Variants in THSD7B observed in about 807,000 individuals in gnomAD.
The protein encoded by THSD7B is thrombospondin type-1 domain-containing protein 7B.
In THSD7B, 138 loss-of-function variants were observed where a neutral mutation model predicts 213.6. That is an observed-to-expected ratio of 0.65 (90% CI 0.56 to 0.74). THSD7B has a LOEUF of 0.74. Among genes scored for constraint, THSD7B ranks in the 30% least tolerant of loss-of-function variants. The probability of loss-of-function intolerance (pLI) is 0.00; values close to 1 mark genes in which losing one functional copy is unlikely to be tolerated. For synonymous variants in THSD7B, 742 were observed against 687.0 expected (o/e 1.08, Z -1.25); for missense variants, 1,931 against 1,991.5 (o/e 0.97, Z 0.58).
chr2:137,639,011 A>ATT (rs55903155), intron 20 of THSD7B, among the ~76,000 whole-genome samples: 12,535 of 147,714 alleles, frequency 0.085, 613 homozygotes, highest in Non-Finnish European at 0.12. Context: ...AGAAAAAGCC[A>ATT]TTTTTTTTTT....
chr2:137,190,564 C>T (rs951514823), intron 7 of THSD7B, among the ~76,000 whole-genome samples: 3 of 152,072 alleles, frequency 2.0e-5, no homozygotes, highest in African/African-American at 7.2e-5. Flanking sequence ...GCAAAAGTAT[C>T]CTCGGGTGTT....
chr2:137,314,288 G>T (rs535306761), intron 12 of THSD7B, among the ~76,000 whole-genome samples: 1 of 152,134 alleles, frequency 6.6e-6, no homozygotes, highest in Admixed American at 6.5e-5. Flanking sequence ...CTGTCTTCCA[G>T]TTGATCACAT....
chr2:137,608,353 C>T (rs1682226192), intron 17 of THSD7B, among the ~76,000 whole-genome samples: 1 of 150,870 alleles, frequency 6.6e-6, no homozygotes, highest in South Asian at 2.1e-4. Flanking sequence ...CACAATACAG[C>T]TCTGTGGTGC....
chr2:137,209,633 C>T (rs1261838685), intron 7 of THSD7B, among the ~76,000 whole-genome samples: 2 of 152,078 alleles, frequency 1.3e-5, no homozygotes, highest in Non-Finnish European at 2.9e-5. Flanking sequence ...GTGATTAAAT[C>T]ATTCCAATGA....
intron 1 of THSD7B, among the ~76,000 whole-genome samples, chr2:136,881,924 C>A (rs72844049): frequency 0.082 from 12,473 of 152,190 alleles, 813 homozygotes; most frequent in Non-Finnish European, 0.13. Context: ...AGATTTCATT[C>A]ATGAATACAC....
chr2:137,398,573 C>G, intron 12 of THSD7B, among the ~76,000 whole-genome samples: 1 of 151,754 alleles, frequency 6.6e-6, no homozygotes. Flanking sequence ...TCAAAGCTGT[C>G]AGACAGGGAC....
At chr2:137,134,917 G>T (rs1312258951) in intron 5 of THSD7B, among the ~76,000 whole-genome samples, 1 of 152,110 alleles carries the variant, frequency 6.6e-6, no homozygotes, top group African/African-American at 2.4e-5. Flanking sequence ...GCAGGCCCTA[G>T]GCTCAGATTG....
intron 12 of THSD7B, among the ~76,000 whole-genome samples, chr2:137,401,635 T>C (rs925785439): frequency 2.1e-5 from 2 of 94,922 alleles, no homozygotes; most frequent in Non-Finnish European, 4.3e-5. Context: ...TCTTTCTTTC[T>C]TTTTTTTTTT....
At chr2:137,088,771 AC>A (rs1247756793) in intron 3 of THSD7B, among the ~76,000 whole-genome samples, 9 of 152,160 alleles carry the variant, frequency 5.9e-5, no homozygotes, top group Admixed American at 3.9e-4. Context: ...ATGAACTCAA[AC>A]CAACAAGAAA....
At chr2:137,667,181 G>A (rs1683465108) in intron 26 of THSD7B, among the ~76,000 whole-genome samples, 1 of 152,088 alleles carries the variant, frequency 6.6e-6, no homozygotes, top group Non-Finnish European at 1.5e-5. Context: ...CCAACAATTG[G>A]CTGGATTTTA....
At chr2:137,231,321 G>C (rs1681635535) in intron 8 of THSD7B, 86 bp downstream of exon 8, 2 of 1,275,096 alleles carry the variant, frequency 1.6e-6, no homozygotes, top group South Asian at 2.9e-5. Flanking sequence ...AGTTTATATG[G>C]AGGAAATAGT....
chr2:137,167,264 C>T lies in THSD7B; in HGVS notation c.1526-3477C>T, dbSNP rs981420555. Among the ~76,000 whole-genome samples the T allele has an allele frequency of 7.9e-5, 12 of 151,758 alleles. No individual in the cohort carries two copies. In the South Asian group the frequency reaches 8.3e-4, roughly 11 times the overall value. ...TGTCACCCAGGCTGGAGTGCAGTGGCGTGATCTCGTCTCACGGCAACCTCC... is the reference window on the plus strand; with the variant it reads ...TGTCACCCAGGCTGGAGTGCAGTGGTGTGATCTCGTCTCACGGCAACCTCC... On this transcript the variant is annotated intron_variant, in intron 6 of 27. Transcript: ENST00000409968.
intron 15 of THSD7B, among the ~76,000 whole-genome samples, chr2:137,525,026 CTT>C (rs1463128776): frequency 6.6e-6 from 1 of 152,012 alleles, no homozygotes; most frequent in Non-Finnish European, 1.5e-5. Flanking sequence ...GTTGGTGTGC[CTT>C]TTTTTGTTGG....
intron 5 of THSD7B, among the ~76,000 whole-genome samples, chr2:137,133,292 G>A (rs943383611): frequency 2.6e-5 from 4 of 152,140 alleles, no homozygotes; most frequent in Admixed American, 6.6e-5. Flanking sequence ...TTGCGTGAGG[G>A]TGGAGAGTGG....
intron 12 of THSD7B, among the ~76,000 whole-genome samples, chr2:137,370,601 T>C (rs1685519377): frequency 6.6e-6 from 1 of 152,140 alleles, no homozygotes; most frequent in Non-Finnish European, 1.5e-5. Flanking sequence ...CCCGAGTAAC[T>C]GGGATTACAG....
At chr2:137,663,259 G>C (rs1454399768) in intron 25 of THSD7B, 124 bp from the exon 26 acceptor site, 1 of 721,106 alleles carries the variant, frequency 1.4e-6, no homozygotes, top group Non-Finnish European at 2.0e-6. Context: ...TGGTAAGTCA[G>C]TTGCCCCAAA....
At chr2:137,600,751 A>T (rs368894399) in intron 17 of THSD7B, among the ~76,000 whole-genome samples, 1 of 152,136 alleles carries the variant, frequency 6.6e-6, no homozygotes, top group South Asian at 2.1e-4. Flanking sequence ...AAACAAAACA[A>T]AAAAACAAAA....
chr2:137,327,697 C>T lies in THSD7B; in HGVS notation c.2500+51671C>T, dbSNP rs569934220. Among the ~76,000 whole-genome samples the T allele has an allele frequency of 1.1e-3, 162 of 152,114 alleles. 1 individual carries two copies. Among genetic ancestry groups the T allele is most frequent in the Non-Finnish European group, 1.9e-3 (132 of 67,978 alleles). On this transcript the variant is annotated intron_variant, in intron 12 of 27. Coordinates refer to ENST00000409968, the MANE Select transcript of THSD7B (RefSeq NM_001316349.2). Reference sequence around the variant, plus strand: ...TATGGTACATAGTTTTAGGTAGCTCCGACTTTGACATGTAGAAGGCTAGAT... The same window carrying T: ...TATGGTACATAGTTTTAGGTAGCTCTGACTTTGACATGTAGAAGGCTAGAT...
At chr2:137,446,288 T>C (rs1266368268) in intron 14 of THSD7B, among the ~76,000 whole-genome samples, 1 of 152,034 alleles carries the variant, frequency 6.6e-6, no homozygotes, top group Non-Finnish European at 1.5e-5. Context: ...GGTAATATTC[T>C]GGGAGAGGTT....
Sources: gnomAD v4.1 joint callset for allele counts (sites outside exome capture counted in the v4.1 genomes callset) on GRCh38, gnomAD v4.1.1 for gene constraint, MANE v1.5 for transcripts, NCBI Gene and HGNC (gene_info 2026-07-23, HGNC 2026-07-21) for gene names.